Variants in LARGE1 observed in about 807,000 individuals in gnomAD.
LARGE1 encodes LARGE xylosyl- and glucuronyltransferase 1, also known as xylosyl- and glucuronyltransferase LARGE1.
LARGE1 carries 43 observed loss-of-function variants against 87.6 expected under a neutral mutation model. The observed-to-expected ratio is 0.49, with a 90% CI of 0.38 to 0.63. The LOEUF is 0.63. LARGE1 is among the 30% of genes least tolerant of loss of function. The pLI is 0.00. For missense variants in LARGE1, 802 were observed against 1,000.2 expected (o/e 0.80, Z 2.67); for synonymous variants, 434 against 394.6 (o/e 1.10, Z -1.18).
intron 6 of LARGE1, among the ~76,000 whole-genome samples, chr22:33,436,010 C>T (rs976574645): frequency 2.0e-4 from 30 of 152,186 alleles, no homozygotes; most frequent in African/African-American, 6.3e-4. Flanking sequence ...AGCCTCTCAA[C>T]GGTGTTGAGT....
intron 6 of LARGE1, among the ~76,000 whole-genome samples, chr22:33,472,477 T>G (rs1429998066): frequency 4.6e-5 from 7 of 152,096 alleles, no homozygotes; most frequent in East Asian, 1.9e-4. Context: ...TAGTGGGGTA[T>G]TTTGGAAACC....
At chr22:33,226,307 A>G (rs1925729616) in intron 11 of LARGE1, among the ~76,000 whole-genome samples, 1 of 152,236 alleles carries the variant, frequency 6.6e-6, no homozygotes, top group African/African-American at 2.4e-5. Context: ...ACATTGCTAT[A>G]TCTATTTCTC....
intron 7 of LARGE1, among the ~76,000 whole-genome samples, chr22:33,400,537 CCTCT>C (rs1204274130): frequency 2.0e-5 from 3 of 152,176 alleles, no homozygotes; most frequent in African/African-American, 2.4e-5. Flanking sequence ...AATGAATCTG[CCTCT>C]CTCTATCAGT....
chr22:33,193,401 A>G (rs1475819743), intron 11 of LARGE1, among the ~76,000 whole-genome samples: 1 of 152,250 alleles, frequency 6.6e-6, no homozygotes, highest in Non-Finnish European at 1.5e-5. Flanking sequence ...GGAACATCAC[A>G]GCAAATCACA....
At chr22:33,585,112 G>A (rs953745472) in intron 5 of LARGE1, among the ~76,000 whole-genome samples, 8 of 152,228 alleles carry the variant, frequency 5.3e-5, no homozygotes, top group South Asian at 2.1e-4. Flanking sequence ...GCAAGACTTC[G>A]TCTCAATAAA....
chr22:33,636,828 AG>A (rs1488988425), intron 3 of LARGE1, among the ~76,000 whole-genome samples: 1 of 152,100 alleles, frequency 6.6e-6, no homozygotes. Flanking sequence ...CACCATGCCC[AG>A]CCCCATGTCA....
intron 5 of LARGE1, among the ~76,000 whole-genome samples, chr22:33,603,228 A>G (rs576451498): frequency 6.6e-6 from 1 of 152,336 alleles, no homozygotes; most frequent in African/African-American, 2.4e-5. Context: ...CTATGGCTCT[A>G]AAATGAAAAG....
chr22:33,531,628 T>C (rs972020676), intron 6 of LARGE1, among the ~76,000 whole-genome samples: 1 of 152,210 alleles, frequency 6.6e-6, no homozygotes, highest in Non-Finnish European at 1.5e-5. Flanking sequence ...GATGCTGCTT[T>C]TGTAATTGTG....
At chr22:33,614,911 T>C (rs1192133549) in intron 4 of LARGE1, among the ~76,000 whole-genome samples, 1 of 152,198 alleles carries the variant, frequency 6.6e-6, no homozygotes, top group Non-Finnish European at 1.5e-5. Flanking sequence ...AGTTCCAGGG[T>C]TGAGCATGCT....
chr22:33,432,824 GT>G (rs1199967988), intron 6 of LARGE1, among the ~76,000 whole-genome samples: 1 of 152,162 alleles, frequency 6.6e-6, no homozygotes, highest in East Asian at 1.9e-4. Context: ...TTCTTACAGG[GT>G]TTTTGTTCTC....
intron 6 of LARGE1, among the ~76,000 whole-genome samples, chr22:33,539,845 G>A (rs923027949): frequency 6.6e-6 from 1 of 152,024 alleles, no homozygotes; most frequent in Non-Finnish European, 1.5e-5. Flanking sequence ...CTCCCAAAGC[G>A]CTGGGATTAC....
chr22:33,319,473 G>A (rs1569051027), intron 10 of LARGE1, among the ~76,000 whole-genome samples: 1 of 152,118 alleles, frequency 6.6e-6, no homozygotes, highest in Non-Finnish European at 1.5e-5. Context: ...TCAGCTCACT[G>A]CAACCTCTGC....
chr22:33,809,242 A>T (rs2086414715), intron 1 of LARGE1, among the ~76,000 whole-genome samples: 1 of 149,634 alleles, frequency 6.7e-6, no homozygotes, highest in African/African-American at 2.5e-5. Flanking sequence ...ACTGCACACC[A>T]GCCTGGTGAC....
At chr22:33,630,831 CA>C (rs11366195) in intron 3 of LARGE1, among the ~76,000 whole-genome samples, 11,525 of 151,620 alleles carry the variant, frequency 0.076, 1,394 homozygotes, top group African/African-American at 0.26. Flanking sequence ...TTTTACTTTA[CA>C]AATTTAAAAT....
intron 7 of LARGE1, among the ~76,000 whole-genome samples, chr22:33,398,018 GTTCTTCATATATTT>G (rs1349133783): frequency 2.0e-5 from 3 of 152,038 alleles, no homozygotes; most frequent in African/African-American, 7.3e-5. Context: ...GTTTGGACGA[GTTCTTCATATATTT>G]TTCTTCCCAC....
chr22:33,522,774 T>C (rs1280662294), intron 6 of LARGE1, among the ~76,000 whole-genome samples: 1 of 149,690 alleles, frequency 6.7e-6, no homozygotes, highest in Non-Finnish European at 1.5e-5. Context: ...GAGGTTGCAG[T>C]GGGCCGAGAT....
rs1925126531 is a variant in LARGE1 at position 33,214,760 on chromosome 22, T to C, written c.1731-47928A>G. On this transcript the variant is annotated intron_variant, in intron 11 of 11. Coordinates refer to the LARGE1 transcript ENST00000608642. ...GTTCCATTTTCGAGGGAGCCCGGTC[T>C]TTCACATGAAATTATCTGTTTTCGC... 3.3e-5 allele frequency among the ~76,000 whole-genome samples: 5 copies of C among 152,236 alleles called. 1 individual carries two copies. The highest frequency in any genetic ancestry group is 2.6e-4 in the Admixed American group (4 of 15,278).
intron 10 of LARGE1, among the ~76,000 whole-genome samples, chr22:33,328,767 C>T (rs970074613): frequency 1.9e-4 from 29 of 151,966 alleles, no homozygotes; most frequent in African/African-American, 5.1e-4. Context: ...ATATGACATA[C>T]ATAGCTACAT....
intron 4 of LARGE1, among the ~76,000 whole-genome samples, chr22:33,617,341 G>T (rs2079609313): frequency 6.6e-6 from 1 of 152,172 alleles, no homozygotes; most frequent in African/African-American, 2.4e-5. Context: ...ACAGAGCCCT[G>T]CAAATTCCAA....
Sources: gnomAD v4.1 joint callset for allele counts (sites outside exome capture counted in the v4.1 genomes callset) on GRCh38, gnomAD v4.1.1 for gene constraint, MANE v1.5 for transcripts, NCBI Gene and HGNC (gene_info 2026-07-23, HGNC 2026-07-21) for gene names.